The following SVOPL variants were observed in gnomAD, a reference collection of about 807,000 sequenced individuals.
SVOPL encodes SVOP like, also known as putative transporter SVOPL.
In SVOPL, 60 loss-of-function variants were observed where a neutral mutation model predicts 61.0. The observed-to-expected ratio is 0.98, with a 90% CI of 0.80 to 1.22. SVOPL has a LOEUF of 1.22. Among genes scored for constraint, SVOPL ranks in the 50% most tolerant of loss-of-function variants. The probability of loss-of-function intolerance (pLI) is 0.00; values close to 1 mark genes in which losing one functional copy is unlikely to be tolerated. For synonymous variants in SVOPL, 279 were observed against 250.0 expected (o/e 1.12, Z -1.09); for missense variants, 662 against 643.9 (o/e 1.03, Z -0.30).
intron 14 of SVOPL, among the ~76,000 whole-genome samples, chr7:138,614,117 T>A (rs1244799963): frequency 6.6e-6 from 1 of 152,222 alleles, no homozygotes; most frequent in African/African-American, 2.4e-5. Context: ...CTGCAGCTAA[T>A]TGAGTCTCTT....
intron 15 of SVOPL, among the ~76,000 whole-genome samples, chr7:138,595,483 G>A (rs1413967813): frequency 1.3e-5 from 2 of 152,184 alleles, no homozygotes; most frequent in Non-Finnish European, 2.9e-5. Context: ...GTCAACAGAA[G>A]AGGAAAAGCC....
intron 4 of SVOPL, among the ~76,000 whole-genome samples, chr7:138,667,329 T>C (rs1802291657): frequency 6.6e-6 from 1 of 152,178 alleles, no homozygotes; most frequent in South Asian, 2.1e-4. Flanking sequence ...TATCCTCCTA[T>C]AAAGCAAGGA....
chr7:138,670,395 A>G (rs1802385240), intron 4 of SVOPL, among the ~76,000 whole-genome samples: 1 of 152,160 alleles, frequency 6.6e-6, no homozygotes, highest in Non-Finnish European at 1.5e-5. Flanking sequence ...TTACTCCTGT[A>G]AATAACATCA....
intron 6 of SVOPL, among the ~76,000 whole-genome samples, chr7:138,657,445 T>C (rs937287654): frequency 3.3e-5 from 5 of 152,204 alleles, no homozygotes; most frequent in Middle Eastern, 6.3e-3. Context: ...CTCAGCCTGA[T>C]TCCCTTTTCT....
intron 3 of SVOPL, among the ~76,000 whole-genome samples, 177 bp downstream of exon 3, chr7:138,678,257 T>G (rs940856169): frequency 4.6e-5 from 7 of 152,112 alleles, no homozygotes; most frequent in African/African-American, 1.4e-4. Context: ...TTAAATGTAT[T>G]TGATGGATGT....
chr7:138,650,221 G>A (rs769450839), intron 7 of SVOPL, among the ~76,000 whole-genome samples: 10 of 152,118 alleles, frequency 6.6e-5, no homozygotes, highest in Non-Finnish European at 1.5e-4. Context: ...AAGGTGACAC[G>A]GTTCACTGAT....
chr7:138,688,086 C>T (rs766361608), intron 1 of SVOPL, among the ~76,000 whole-genome samples: 1 of 152,176 alleles, frequency 6.6e-6, no homozygotes, highest in Admixed American at 6.6e-5. Flanking sequence ...CAGGCGTGAG[C>T]CACTGTGCCT....
chr7:138,689,496 A>T, intron 1 of SVOPL: 1 of 762,632 alleles, frequency 1.3e-6, no homozygotes, highest in Non-Finnish European at 2.3e-6. Flanking sequence ...GATATCCCAG[A>T]AGAAACAAAA....
intron 8 of SVOPL, among the ~76,000 whole-genome samples, chr7:138,648,026 G>C (rs146983479): frequency 6.6e-6 from 1 of 151,954 alleles, no homozygotes; most frequent in South Asian, 2.1e-4. Flanking sequence ...CTAAAACCCC[G>C]GTTCTGCTGA....
intron 14 of SVOPL, among the ~76,000 whole-genome samples, chr7:138,602,257 A>C (rs1264620459): frequency 6.6e-6 from 1 of 152,138 alleles, no homozygotes; most frequent in Non-Finnish European, 1.5e-5. Flanking sequence ...GTTGTGCATA[A>C]TGTTCAGTTT....
chr7:138,648,913 C>G (rs1313338053), intron 8 of SVOPL, 99 bp downstream of exon 8: 86 of 1,545,184 alleles, frequency 5.6e-5, no homozygotes, highest in Non-Finnish European at 7.1e-5. Context: ...CAAAGAGAGA[C>G]TCTGTCTCGA....
intron 1 of SVOPL, among the ~76,000 whole-genome samples, chr7:138,688,357 C>A (rs1283234388): frequency 6.6e-6 from 1 of 151,830 alleles, no homozygotes; most frequent in Non-Finnish European, 1.5e-5. Flanking sequence ...GCAACCTTTG[C>A]CTCCTGGGTT....
chr7:138,603,411 C>T (rs559897988), intron 14 of SVOPL, among the ~76,000 whole-genome samples: 27 of 152,240 alleles, frequency 1.8e-4, no homozygotes, highest in Middle Eastern at 6.8e-3. Flanking sequence ...AGGCCGGGTG[C>T]GGTGGCTCAT....
rs1469871192 is a variant in SVOPL, at chr7:138,672,653, G to GTTTTTGT, written c.175-537_175-536insACAAAAA. Among the ~76,000 whole-genome samples the GTTTTTGT allele has an allele frequency of 6.2e-4, 48 of 77,088 alleles. No individual in the cohort carries two copies. The South Asian group carries it at 0.02, about 33-fold the overall frequency. 50.6% of individuals were successfully genotyped at this position (77,088 alleles called of 152,430 possible). A position where few individuals can be genotyped will look rare whatever the true frequency, so the allele number is the denominator to read the frequency against. ...TCAGCAGGAAAGTGTTTTTTTTTGT[G>GTTTTTGT]TTTAAAAAAAAAAAAAAAAAAAGAA... On this transcript the variant is annotated intron_variant, in intron 3 of 15. Coordinates refer to ENST00000674285, the MANE Select transcript of SVOPL (RefSeq NM_001139456.2).
At chr7:138,658,579 C>T (rs1045492994) in intron 6 of SVOPL, among the ~76,000 whole-genome samples, 2 of 152,076 alleles carry the variant, frequency 1.3e-5, no homozygotes, top group African/African-American at 2.4e-5. Flanking sequence ...CACGCCCAGC[C>T]TGGGTTGACA....
intron 4 of SVOPL, among the ~76,000 whole-genome samples, chr7:138,664,514 C>T (rs1339856756): frequency 1.4e-5 from 2 of 140,146 alleles, no homozygotes; most frequent in Non-Finnish European, 3.1e-5. Flanking sequence ...CTTTATCGGG[C>T]GCGCGCGCCT....
chr7:138,692,290 C>A (rs1802959827), intron 1 of SVOPL, among the ~76,000 whole-genome samples: 1 of 152,124 alleles, frequency 6.6e-6, no homozygotes, highest in African/African-American at 2.4e-5. Flanking sequence ...GCTGAGAAGA[C>A]TACAAGCAGT....
chr7:138,680,728 G>A (rs1802683036), intron 1 of SVOPL, among the ~76,000 whole-genome samples: 2 of 152,000 alleles, frequency 1.3e-5, no homozygotes, highest in South Asian at 2.1e-4. Flanking sequence ...ACAGGCGCCC[G>A]CCACCACGCC....
At position 138,672,017 on chromosome 7, in the gene SVOPL, A is replaced by G. The variant is rs897203836; in HGVS notation, c.273+2T>C. ...TTCACGGCACAGGGAGCAGGTACTT[A>G]CCGTGGTTACTAATGCCACCTGCCA... On this transcript the variant is annotated splice_donor_variant, in intron 4 of 15. Transcript: ENST00000674285. LOFTEE classifies it high-confidence loss of function. The G allele has an allele frequency of 2.6e-6, 4 of 1,551,470 alleles. No individual in the cohort carries two copies. The African/African-American group carries it at 5.5e-5, about 21-fold the overall frequency.
Sources: allele counts gnomAD v4.1 joint callset (sites outside exome capture counted in the v4.1 genomes callset), GRCh38; gene constraint gnomAD v4.1.1; transcripts MANE v1.5; gene names NCBI Gene and HGNC (gene_info 2026-07-23, HGNC 2026-07-21).